The following RGS7 variants were observed in gnomAD, a reference collection of about 807,000 sequenced individuals.
RGS7 encodes regulator of G protein signaling 7.
In RGS7, 27 loss-of-function variants were observed where a neutral mutation model predicts 81.1. The observed-to-expected ratio is 0.33, with a 90% CI of 0.25 to 0.46. RGS7 has a LOEUF of 0.46. Among genes scored for constraint, RGS7 ranks in the 20% least tolerant of loss-of-function variants. The pLI is 1.00. For missense variants in RGS7, 396 were observed against 607.4 expected, an observed-to-expected ratio of 0.65 and a Z score of 3.66; for synonymous variants, 208 against 207.7, an observed-to-expected ratio of 1.00 and a Z score of -0.01.
intron 2 of RGS7, among the ~76,000 whole-genome samples, chr1:241,283,062 T>A (rs1170415692): frequency 6.6e-6 from 1 of 152,176 alleles, no homozygotes; most frequent in Non-Finnish European, 1.5e-5. Flanking sequence ...TTACCTCCCT[T>A]CATGTCCTTT....
chr1:241,205,771 A>G (rs2073839938), intron 2 of RGS7, among the ~76,000 whole-genome samples: 1 of 152,016 alleles, frequency 6.6e-6, no homozygotes, highest in Admixed American at 6.6e-5. Context: ...AGGATATACT[A>G]TCTTGATTTT....
intron 14 of RGS7, among the ~76,000 whole-genome samples, chr1:240,810,095 C>T (rs1454707424): frequency 6.6e-6 from 1 of 152,124 alleles, no homozygotes; most frequent in South Asian, 2.1e-4. Context: ...TATCTCCTCC[C>T]CATTGTCCAG....
In RGS7 at chr1:240,983,060, G is replaced by C. The variant is rs76920350; in HGVS notation, c.226+19C>G. ...CCACTAAGAAAAAAGTTCTTGCAATGGGAAAATGATTTATTTACCTGGATC... is the reference window on the plus strand; with the variant it reads ...CCACTAAGAAAAAAGTTCTTGCAATCGGAAAATGATTTATTTACCTGGATC... On this transcript the variant is annotated intron_variant, in intron 4 of 18. Coordinates refer to ENST00000440928, the MANE Select transcript of RGS7 (RefSeq NM_001364886.1). 1 of 1,444,786 alleles carries C rather than the reference G, an allele frequency of 6.9e-7. No individual in the cohort carries two copies. Among genetic ancestry groups the C allele is most frequent in the Non-Finnish European group, 9.7e-7 (1 of 1,029,452 alleles). 89.5% of individuals were successfully genotyped at this position (1,444,786 alleles called of 1,614,324 possible).
chr1:241,112,852 G>A (rs1365983094), intron 2 of RGS7, among the ~76,000 whole-genome samples: 1 of 152,112 alleles, frequency 6.6e-6, no homozygotes, highest in Admixed American at 6.5e-5. Context: ...CAGTGATGTC[G>A]ATCTTTCTAA....
At chr1:241,094,414 C>A (rs762816361) in intron 3 of RGS7, among the ~76,000 whole-genome samples, 4 of 152,150 alleles carry the variant, frequency 2.6e-5, no homozygotes, top group Non-Finnish European at 5.9e-5. Context: ...CACATACAAC[C>A]TGTGCAGCTG....
intron 2 of RGS7, among the ~76,000 whole-genome samples, chr1:241,185,608 C>A (rs559977400): frequency 8.8e-4 from 134 of 152,114 alleles, no homozygotes; most frequent in Non-Finnish European, 1.4e-3. Flanking sequence ...CAAACTTTAA[C>A]AAATCATGAA....
chr1:241,126,417 G>A (rs1019263277), intron 2 of RGS7, among the ~76,000 whole-genome samples: 1 of 152,124 alleles, frequency 6.6e-6, no homozygotes, highest in African/African-American at 2.4e-5. Flanking sequence ...CCAAAGTGCT[G>A]GGATTACAGG....
chr1:241,279,980 CTTTCCAG>C (rs1199416072), intron 2 of RGS7, among the ~76,000 whole-genome samples: 1 of 152,164 alleles, frequency 6.6e-6, no homozygotes, highest in Non-Finnish European at 1.5e-5. Flanking sequence ...CATCTTAATT[CTTTCCAG>C]TTTGGGGTTT....
intron 18 of RGS7, among the ~76,000 whole-genome samples, chr1:240,776,755 A>G (rs1169527243): frequency 1.3e-5 from 2 of 152,302 alleles, no homozygotes; most frequent in South Asian, 4.1e-4. Context: ...TCTGTTCCCT[A>G]TCTTACATAA....
intron 4 of RGS7, among the ~76,000 whole-genome samples, chr1:240,946,426 G>A (rs1678619068): frequency 6.6e-6 from 1 of 151,964 alleles, no homozygotes; most frequent in Non-Finnish European, 1.5e-5. Context: ...ATCATAGTGA[G>A]ACTCCATCTC....
At chr1:240,948,076 C>T (rs1678945208) in intron 4 of RGS7, among the ~76,000 whole-genome samples, 1 of 152,200 alleles carries the variant, frequency 6.6e-6, no homozygotes, top group African/African-American at 2.4e-5. Flanking sequence ...GACACCAGCC[C>T]TGACTACACT....
At chr1:241,215,169 G>C (rs1380038603) in intron 2 of RGS7, among the ~76,000 whole-genome samples, 1 of 152,148 alleles carries the variant, frequency 6.6e-6, no homozygotes, top group Admixed American at 6.6e-5. Flanking sequence ...TCTTGTACTA[G>C]CAGGCAATTA....
At chr1:241,171,454 AT>A (rs1250810499) in intron 2 of RGS7, among the ~76,000 whole-genome samples, 1 of 152,170 alleles carries the variant, frequency 6.6e-6, no homozygotes, top group African/African-American at 2.4e-5. Context: ...ATGCTCTTTC[AT>A]TTATCCATCT....
intron 6 of RGS7, among the ~76,000 whole-genome samples, chr1:240,881,528 A>G (rs1322745418): frequency 6.6e-6 from 1 of 152,226 alleles, no homozygotes; most frequent in African/African-American, 2.4e-5. Context: ...TTTCAAAATA[A>G]TTCTTCAAAT....
chr1:240,901,369 G>A (rs34671508), intron 6 of RGS7, among the ~76,000 whole-genome samples: 4 of 152,012 alleles, frequency 2.6e-5, no homozygotes, highest in African/African-American at 4.8e-5. Flanking sequence ...CTTCTGCGTC[G>A]CTCATGCTGG....
chr1:240,827,326 C>G (rs1365244191), intron 9 of RGS7, among the ~76,000 whole-genome samples, 154 bp from the exon 10 acceptor site: 1 of 152,200 alleles, frequency 6.6e-6, no homozygotes, highest in Non-Finnish European at 1.5e-5. Context: ...CCAGTCCCAT[C>G]AGCAGTAGCC....
chr1:241,014,933 A>C (rs2059148071), intron 3 of RGS7, among the ~76,000 whole-genome samples: 1 of 152,156 alleles, frequency 6.6e-6, no homozygotes, highest in Non-Finnish European at 1.5e-5. Context: ...TCAAAGGAAA[A>C]ATTTTTCATG....
At chr1:240,998,382 T>C in intron 3 of RGS7, 1 of 545,648 alleles carries the variant, frequency 1.8e-6, no homozygotes, top group South Asian at 2.1e-5. Flanking sequence ...TTTTAAGCCA[T>C]TATTTCTTCA....
intron 2 of RGS7, among the ~76,000 whole-genome samples, chr1:241,313,474 G>A (rs963498409): frequency 3.3e-5 from 5 of 152,106 alleles, no homozygotes. Flanking sequence ...AATCCACTCT[G>A]CCTGTGCTCT....
Sources: allele counts gnomAD v4.1 joint callset (sites outside exome capture counted in the v4.1 genomes callset), GRCh38; gene constraint gnomAD v4.1.1; transcripts MANE v1.5; gene names NCBI Gene and HGNC (gene_info 2026-07-23, HGNC 2026-07-21).